Variants in UNC13C observed in about 807,000 individuals in gnomAD.
The protein encoded by UNC13C is protein unc-13 homolog C.
UNC13C carries 174 observed loss-of-function variants against 245.4 expected under a neutral mutation model. The ratio of observed to expected loss-of-function variants is 0.71; its 90% CI spans 0.63 to 0.80. The LOEUF (loss-of-function observed/expected upper bound fraction) is 0.80, where lower values mean the gene tolerates loss of function less well. Ranked by LOEUF, UNC13C falls within the 30% of genes least tolerant of loss-of-function variation. The probability of loss-of-function intolerance (pLI) is 0.00; values close to 1 mark genes in which losing one functional copy is unlikely to be tolerated. For synonymous variants in UNC13C, 992 were observed against 895.1 expected (o/e 1.11, Z -1.93); for missense variants, 2,829 against 2,602.9 (o/e 1.09, Z -1.89).
chr15:54,095,716 G>C (rs1393843744), intron 2 of UNC13C, among the ~76,000 whole-genome samples: 1 of 152,154 alleles, frequency 6.6e-6, no homozygotes, highest in Non-Finnish European at 1.5e-5. Flanking sequence ...GGACGAAACA[G>C]AAATAAGAAG....
chr15:54,449,542 T>C (rs1344271767), intron 19 of UNC13C, among the ~76,000 whole-genome samples: 1 of 152,226 alleles, frequency 6.6e-6, no homozygotes, highest in Non-Finnish European at 1.5e-5. Flanking sequence ...CAATCACTGA[T>C]ACCCTTTCTT....
the UNC13C span, among the ~76,000 whole-genome samples, chr15:53,852,323 C>T: frequency 1.8e-3 from 277 of 152,128 alleles, 1 homozygote; most frequent in African/African-American, 5.6e-3. Flanking sequence ...GACATTTTTT[C>T]GAACAGGGCT....
At chr15:54,328,779 A>G (rs1408337111) in intron 14 of UNC13C, among the ~76,000 whole-genome samples, 1 of 152,060 alleles carries the variant, frequency 6.6e-6, no homozygotes, top group Non-Finnish European at 1.5e-5. Flanking sequence ...CTGGTTTTGT[A>G]AGGCCCATAA....
chr15:54,443,327 G>A (rs1890634906), intron 19 of UNC13C, among the ~76,000 whole-genome samples: 1 of 151,642 alleles, frequency 6.6e-6, no homozygotes, highest in Non-Finnish European at 1.5e-5. Context: ...TCAAGCTAAT[G>A]GTTTATCAAT....
At chr15:54,037,395 C>T (rs1048989598) in intron 2 of UNC13C, among the ~76,000 whole-genome samples, 11 of 151,744 alleles carry the variant, frequency 7.2e-5, no homozygotes, top group East Asian at 1.9e-4. Flanking sequence ...TGTAAAATTG[C>T]GGTAATAAGA....
chr15:54,043,675 A>T (rs1896907740), intron 2 of UNC13C, among the ~76,000 whole-genome samples: 1 of 152,180 alleles, frequency 6.6e-6, no homozygotes, highest in Admixed American at 6.5e-5. Context: ...GTATTAGTTA[A>T]TGTGTAGACA....
the UNC13C span, among the ~76,000 whole-genome samples, chr15:53,873,280 G>T: frequency 6.6e-6 from 1 of 152,076 alleles, no homozygotes; most frequent in Non-Finnish European, 1.5e-5. Flanking sequence ...TTTCTGCGGA[G>T]ACTGGGGTTC....
chr15:53,982,606 A>G (rs909463844), intron 1 of UNC13C, among the ~76,000 whole-genome samples: 5 of 152,166 alleles, frequency 3.3e-5, no homozygotes, highest in African/African-American at 4.8e-5. Context: ...TATTAATGAG[A>G]AATCTTAAGT....
chr15:54,363,476 A>T (rs1227987962), intron 17 of UNC13C, among the ~76,000 whole-genome samples: 1 of 152,234 alleles, frequency 6.6e-6, no homozygotes. Flanking sequence ...AGTGAAAGTC[A>T]TAAGGACTGA....
At chr15:54,286,014 G>A in intron 10 of UNC13C, among the ~76,000 whole-genome samples, 1 of 151,842 alleles carries the variant, frequency 6.6e-6, no homozygotes, top group Non-Finnish European at 1.5e-5. Context: ...AGTAGCTGGA[G>A]TTGCAGGTGT....
chr15:53,959,123 A>G, the UNC13C span, among the ~76,000 whole-genome samples: 1 of 152,092 alleles, frequency 6.6e-6, no homozygotes, highest in East Asian at 1.9e-4. Context: ...AAATGACAGG[A>G]TTTCATTCTT....
At chr15:54,218,142 A>G (rs1399551570) in intron 4 of UNC13C, among the ~76,000 whole-genome samples, 4 of 151,988 alleles carry the variant, frequency 2.6e-5, no homozygotes, top group Non-Finnish European at 5.9e-5. Flanking sequence ...ACTTAAAACA[A>G]TTGTTCTCAG....
Position 54,230,059 on chromosome 15 carries a change from G to T in UNC13C, c.3072-4971G>T, listed in dbSNP as rs576179091. Among the ~76,000 whole-genome samples, 5 of 76,964 alleles carry T rather than the reference G, an allele frequency of 6.5e-5. No homozygotes were observed. In the East Asian group the frequency reaches 8.2e-4, roughly 13 times the overall value. The allele number at this position is 76,964 out of a possible 152,430, so 50.5% of individuals were successfully genotyped here. A position where few individuals can be genotyped will look rare whatever the true frequency, so the allele number is the denominator to read the frequency against. ...GTTGATTTCATACCCTGGCTATATT[G>T]TGAATAATGTGGCAATAAATATAGG... On this transcript the variant is annotated intron_variant, in intron 4 of 32. Coordinates refer to ENST00000260323, the MANE Select transcript of UNC13C (RefSeq NM_001080534.3).
intron 18 of UNC13C, among the ~76,000 whole-genome samples, chr15:54,405,594 G>C (rs1195003200): frequency 1.3e-5 from 2 of 152,044 alleles, no homozygotes; most frequent in African/African-American, 4.8e-5. Context: ...GTTAGACATG[G>C]TGAAAAAACA....
intron 24 of UNC13C, among the ~76,000 whole-genome samples, chr15:54,513,259 ATAT>A (rs899707503): frequency 5.3e-5 from 8 of 152,212 alleles, no homozygotes; most frequent in Non-Finnish European, 8.8e-5. Flanking sequence ...CATGTGGGAA[ATAT>A]TATCTCCTTC....
chr15:54,115,720 A>G (rs2030193584), intron 2 of UNC13C, among the ~76,000 whole-genome samples: 1 of 152,192 alleles, frequency 6.6e-6, no homozygotes, highest in Non-Finnish European at 1.5e-5. Context: ...GGATGTGGAA[A>G]TTCAAAGAAT....
At chr15:53,874,003 G>A in the UNC13C span, among the ~76,000 whole-genome samples, 4 of 144,628 alleles carry the variant, frequency 2.8e-5, no homozygotes, top group South Asian at 6.5e-4. Context: ...CTGTCTCAGG[G>A]TCTTACTCTG....
intron 30 of UNC13C, among the ~76,000 whole-genome samples, chr15:54,590,720 C>T (rs1048898406): frequency 2.6e-5 from 4 of 152,066 alleles, no homozygotes; most frequent in African/African-American, 7.2e-5. Flanking sequence ...TTAAGGTAGA[C>T]GATCATATCA....
chr15:54,573,054 G>A (rs1302533219), intron 30 of UNC13C, among the ~76,000 whole-genome samples: 2 of 151,810 alleles, frequency 1.3e-5, no homozygotes, highest in East Asian at 3.9e-4. Context: ...CTATTTTCAG[G>A]CTTTAAGACA....
Sources: gnomAD v4.1 joint callset for allele counts (sites outside exome capture counted in the v4.1 genomes callset) on GRCh38, gnomAD v4.1.1 for gene constraint, MANE v1.5 for transcripts, NCBI Gene and HGNC (gene_info 2026-07-23, HGNC 2026-07-21) for gene names.